ADAMTSL1: variants seen among roughly 807,000 people sequenced by gnomAD.
The protein encoded by ADAMTSL1 is ADAMTS like 1, also known as ADAMTS-like protein 1.
ADAMTSL1 carries 126 observed loss-of-function variants against 201.8 expected under a neutral mutation model. The ratio of observed to expected loss-of-function variants is 0.62; its 90% CI spans 0.54 to 0.72. The LOEUF (loss-of-function observed/expected upper bound fraction) is 0.72. ADAMTSL1 is among the 30% of genes least tolerant of loss of function. ADAMTSL1 has a pLI of 0.00. For missense variants in ADAMTSL1, 2,679 were observed against 2,277.8 expected (o/e 1.18, Z -3.59); for synonymous variants, 1,121 against 903.4 (o/e 1.24, Z -4.32).
Position 18,697,137 on chromosome 9 carries a change from C to A in ADAMTSL1, c.1575-9610C>A, listed in dbSNP as rs191550596. 9.0e-3 allele frequency among the ~76,000 whole-genome samples: 1,375 copies of A among 151,996 alleles called. 30 individuals are homozygous for A. The highest frequency in any genetic ancestry group is 0.031 in the African/African-American group (1,279 of 41,456). ...GACCTCGTGATCTGCCCACCTCAGCCCCCCCAAGTGCTGGGATTACAGGTG... is the reference window on the plus strand; with the variant it reads ...GACCTCGTGATCTGCCCACCTCAGCACCCCCAAGTGCTGGGATTACAGGTG... On this transcript the variant is annotated intron_variant, in intron 13 of 28. Transcript: ENST00000380548.
At chr9:18,382,733 C>G (rs1837610944) in intron 2 of ADAMTSL1, among the ~76,000 whole-genome samples, 1 of 152,090 alleles carries the variant, frequency 6.6e-6, no homozygotes, top group Admixed American at 6.6e-5. Flanking sequence ...TCACAGTGTA[C>G]TTCTTGTGGT....
At chr9:18,465,930 T>A (rs1820988000) in intron 2 of ADAMTSL1, among the ~76,000 whole-genome samples, 1 of 151,206 alleles carries the variant, frequency 6.6e-6, no homozygotes, top group African/African-American at 2.4e-5. Context: ...GTTTTTTTTT[T>A]AGTAGAGATG....
chr9:18,032,492 G>C (rs1821008000), intron 1 of ADAMTSL1, among the ~76,000 whole-genome samples: 1 of 152,186 alleles, frequency 6.6e-6, no homozygotes, highest in South Asian at 2.1e-4. Context: ...AGCCAGGTAG[G>C]CAGTTTTGGG....
At chr9:18,284,089 G>A (rs1022659567) in intron 2 of ADAMTSL1, among the ~76,000 whole-genome samples, 8 of 150,674 alleles carry the variant, frequency 5.3e-5, no homozygotes, top group African/African-American at 2.0e-4. Context: ...AATTAGCTGG[G>A]CGTGGTCACA....
At chr9:18,215,797 C>A (rs1830035830) in intron 2 of ADAMTSL1, among the ~76,000 whole-genome samples, 1 of 152,058 alleles carries the variant, frequency 6.6e-6, no homozygotes, top group African/African-American at 2.4e-5. Context: ...GGGGGACCAG[C>A]TCCTGCTGTC....
chr9:18,315,253 C>G (rs1834335415), intron 2 of ADAMTSL1, among the ~76,000 whole-genome samples: 1 of 152,156 alleles, frequency 6.6e-6, no homozygotes, highest in Admixed American at 6.5e-5. Context: ...CATTTACAAT[C>G]CTCCAGGTAG....
rs544556567 is a variant in ADAMTSL1, at chr9:18,050,750, C to A, written c.88-113112C>A. Among the ~76,000 whole-genome samples, 17 of 152,272 alleles carry A rather than the reference C, an allele frequency of 1.1e-4. 1 individual carries two copies. Among genetic ancestry groups the A allele is most frequent in the African/African-American group, 4.1e-4 (17 of 41,564 alleles). ...GAAATCTAAAGTCACAGGTGGGGATCTGACTCACTTAATATTTAGGGGGAA... is the reference window on the plus strand; with the variant it reads ...GAAATCTAAAGTCACAGGTGGGGATATGACTCACTTAATATTTAGGGGGAA... On this transcript the variant is annotated intron_variant, in intron 1 of 29. Transcript: ENST00000680146.
intron 2 of ADAMTSL1, among the ~76,000 whole-genome samples, chr9:18,282,882 A>T (rs1298057156): frequency 6.6e-6 from 1 of 152,198 alleles, no homozygotes; most frequent in African/African-American, 2.4e-5. Context: ...GGGCAACAAG[A>T]GTGAAACTCC....
intron 14 of ADAMTSL1, chr9:18,718,558 C>CA (rs747337094): frequency 4.2e-6 from 2 of 474,414 alleles, no homozygotes; most frequent in Non-Finnish European, 8.5e-6. Context: ...TAGTACCTCT[C>CA]ACGCTGTCAC....
chr9:18,302,827 A>G (rs906787766), intron 2 of ADAMTSL1, among the ~76,000 whole-genome samples: 2 of 152,186 alleles, frequency 1.3e-5, no homozygotes, highest in Admixed American at 1.3e-4. Flanking sequence ...AAGGCAGTTT[A>G]CTTTTTAACT....
chr9:18,521,295 A>T (rs926595935), intron 2 of ADAMTSL1, among the ~76,000 whole-genome samples: 2 of 152,136 alleles, frequency 1.3e-5, no homozygotes, highest in Non-Finnish European at 2.9e-5. Context: ...TTTTTAAAGT[A>T]CTAAAAGAGT....
intron 2 of ADAMTSL1, among the ~76,000 whole-genome samples, chr9:18,405,206 G>A (rs563622106): frequency 4.5e-4 from 69 of 152,198 alleles, no homozygotes; most frequent in African/African-American, 1.5e-3. Context: ...ATTTCCAAGG[G>A]CAAAGAATTA....
chr9:18,508,932 C>A (rs1356207215), intron 2 of ADAMTSL1, among the ~76,000 whole-genome samples: 2 of 95,304 alleles, frequency 2.1e-5, no homozygotes, highest in Non-Finnish European at 4.5e-5. Context: ...CGCCTGTAAT[C>A]CCAGCACTTT....
intron 2 of ADAMTSL1, among the ~76,000 whole-genome samples, chr9:18,192,331 C>G (rs981735424): frequency 6.6e-6 from 1 of 152,092 alleles, no homozygotes; most frequent in Non-Finnish European, 1.5e-5. Flanking sequence ...CTGTCCTGGG[C>G]AAAATCTCCT....
chr9:18,015,918 T>C (rs1381752960), intron 1 of ADAMTSL1, among the ~76,000 whole-genome samples: 1 of 152,040 alleles, frequency 6.6e-6, no homozygotes, highest in Non-Finnish European at 1.5e-5. Flanking sequence ...CCATACCCTT[T>C]CTCCAGCTGT....
intron 2 of ADAMTSL1, among the ~76,000 whole-genome samples, chr9:18,530,187 G>A (rs1346613370): frequency 6.6e-6 from 1 of 152,062 alleles, no homozygotes; most frequent in Non-Finnish European, 1.5e-5. Flanking sequence ...TTTGTGCATA[G>A]GCTTTCCTAA....
At chr9:18,455,516 C>G (rs977101450) in intron 2 of ADAMTSL1, among the ~76,000 whole-genome samples, 1 of 151,766 alleles carries the variant, frequency 6.6e-6, no homozygotes, top group Non-Finnish European at 1.5e-5. Context: ...ACGTTAAACT[C>G]CTAATCTTTT....
chr9:18,569,361 G>A (rs1032762257), intron 3 of ADAMTSL1, among the ~76,000 whole-genome samples: 3 of 152,194 alleles, frequency 2.0e-5, no homozygotes, highest in Non-Finnish European at 4.4e-5. Context: ...AAAACTCGGG[G>A]AGAGAAATGA....
At chr9:18,573,904 C>G (rs1280290493) in intron 3 of ADAMTSL1, 126 bp from the exon 4 acceptor site, 1 of 692,228 alleles carries the variant, frequency 1.4e-6, no homozygotes, top group African/African-American at 1.8e-5. Context: ...ATTATAAGTT[C>G]CATCTATCAT....
Sources: allele counts gnomAD v4.1 joint callset (sites outside exome capture counted in the v4.1 genomes callset), GRCh38; gene constraint gnomAD v4.1.1; transcripts MANE v1.5; gene names NCBI Gene and HGNC (gene_info 2026-07-23, HGNC 2026-07-21).